Variants in CSMD3 observed in about 807,000 individuals in gnomAD.
CSMD3 encodes CUB and Sushi multiple domains 3.
CSMD3 carries 177 observed loss-of-function variants against 435.2 expected under a neutral mutation model. The observed-to-expected ratio is 0.41, with a 90% CI of 0.36 to 0.46. The LOEUF (loss-of-function observed/expected upper bound fraction) is 0.46. Among genes scored for constraint, CSMD3 ranks in the 20% least tolerant of loss-of-function variants. The pLI is 0.34. For synonymous variants in CSMD3, 1,656 were observed against 1,520.5 expected (o/e 1.09, Z -2.07); for missense variants, 4,265 against 4,504.6 (o/e 0.95, Z 1.52).
intron 4 of CSMD3, among the ~76,000 whole-genome samples, chr8:113,171,265 C>T (rs1388763349): frequency 6.6e-6 from 1 of 151,900 alleles, no homozygotes; most frequent in Non-Finnish European, 1.5e-5. Context: ...CTCTCTTCAT[C>T]CCAGTATAGC....
intron 13 of CSMD3, among the ~76,000 whole-genome samples, chr8:112,692,879 T>C (rs570511126): frequency 8.5e-5 from 13 of 152,178 alleles, no homozygotes; most frequent in African/African-American, 2.9e-4. Context: ...TTGTTATCAA[T>C]CTCTTTCTGT....
At chr8:113,062,127 C>T (rs1263903760) in intron 5 of CSMD3, among the ~76,000 whole-genome samples, 1 of 151,784 alleles carries the variant, frequency 6.6e-6, no homozygotes, top group Non-Finnish European at 1.5e-5. Flanking sequence ...ATCTTGTCCA[C>T]ACCTAATTCA....
chr8:113,123,329 C>T (rs1304354124), intron 4 of CSMD3, among the ~76,000 whole-genome samples: 3 of 151,994 alleles, frequency 2.0e-5, no homozygotes, highest in East Asian at 3.9e-4. Flanking sequence ...GTCATGATTT[C>T]GTCCTTTTGA....
At chr8:113,145,766 G>C (rs1588149751) in intron 4 of CSMD3, among the ~76,000 whole-genome samples, 1 of 151,498 alleles carries the variant, frequency 6.6e-6, no homozygotes, top group Non-Finnish European at 1.5e-5. Flanking sequence ...ACACAGAGGA[G>C]GTACTTAATA....
At chr8:112,609,408 G>A (rs1381750821) in intron 22 of CSMD3, among the ~76,000 whole-genome samples, 3 of 151,864 alleles carry the variant, frequency 2.0e-5, no homozygotes, top group Non-Finnish European at 4.4e-5. Flanking sequence ...CATGTATATG[G>A]AAAGGTACTC....
At chr8:112,320,818 G>T (rs1246794723) in intron 45 of CSMD3, among the ~76,000 whole-genome samples, 2 of 152,078 alleles carry the variant, frequency 1.3e-5, no homozygotes, top group African/African-American at 4.8e-5. Flanking sequence ...ACAGAGCTGA[G>T]ATTTGAACCT....
At chr8:112,401,176 C>T (rs1306320380) in intron 35 of CSMD3, among the ~76,000 whole-genome samples, 1 of 152,026 alleles carries the variant, frequency 6.6e-6, no homozygotes, top group Non-Finnish European at 1.5e-5. Flanking sequence ...GCACTCTAGC[C>T]TGGGTGACAG....
In CSMD3 at chr8:113,285,635, A is replaced by G. The variant is rs144261373; in HGVS notation, c.402-6931T>C. Among the ~76,000 whole-genome samples the G allele has an allele frequency of 1.7e-3, 258 of 152,332 alleles. 1 individual carries two copies. Among genetic ancestry groups the G allele is most frequent in the African/African-American group, 5.9e-3 (247 of 41,580 alleles). ...CCGACTGGGAAAACTAAGTAAGATT[A>G]GTAAACATTTAAATATATGAGACGA... On this transcript the variant is annotated intron_variant, in intron 2 of 70. Coordinates refer to ENST00000297405, the MANE Select transcript of CSMD3 (RefSeq NM_198123.2).
At chr8:113,052,178 A>C (rs1489170861) in intron 5 of CSMD3, among the ~76,000 whole-genome samples, 1 of 152,230 alleles carries the variant, frequency 6.6e-6, no homozygotes, top group Non-Finnish European at 1.5e-5. Flanking sequence ...GCTTTTCCTC[A>C]TCAATAAATG....
chr8:113,193,139 T>C (rs557260593), intron 3 of CSMD3, among the ~76,000 whole-genome samples: 1 of 151,308 alleles, frequency 6.6e-6, no homozygotes, highest in East Asian at 2.0e-4. Context: ...GTGTGGAGCA[T>C]GTGTCAATAT....
chr8:112,465,303 A>T (rs565030035), intron 32 of CSMD3, among the ~76,000 whole-genome samples: 1 of 152,302 alleles, frequency 6.6e-6, no homozygotes, highest in Non-Finnish European at 1.5e-5. Context: ...CAATTATCAG[A>T]TAGTAAATAT....
chr8:113,418,140 T>C (rs1183825591), intron 1 of CSMD3, among the ~76,000 whole-genome samples: 1 of 152,112 alleles, frequency 6.6e-6, no homozygotes, highest in Non-Finnish European at 1.5e-5. Context: ...TATTTCTCTG[T>C]TACATGAGGG....
At chr8:112,421,516 C>A (rs1205658834) in intron 32 of CSMD3, among the ~76,000 whole-genome samples, 1 of 149,670 alleles carries the variant, frequency 6.7e-6, no homozygotes, top group Admixed American at 6.7e-5. Context: ...TGCACTCCAG[C>A]CTCGGTGATA....
chr8:112,364,898 C>T (rs536393839), intron 38 of CSMD3, among the ~76,000 whole-genome samples: 6 of 152,158 alleles, frequency 3.9e-5, no homozygotes, highest in African/African-American at 1.4e-4. Flanking sequence ...TAATGTGGAT[C>T]AGGAAAAAGA....
At chr8:112,524,226 G>A (rs1449384953) in intron 27 of CSMD3, among the ~76,000 whole-genome samples, 2 of 151,274 alleles carry the variant, frequency 1.3e-5, no homozygotes, top group Admixed American at 6.6e-5. Context: ...TTAGGTTGAA[G>A]ACTATCAAAA....
At chr8:113,241,130 C>A (rs1403675601) in intron 3 of CSMD3, among the ~76,000 whole-genome samples, 2 of 152,054 alleles carry the variant, frequency 1.3e-5, no homozygotes, top group African/African-American at 4.8e-5. Context: ...GCTTCTAGGG[C>A]AGATGACTAG....
intron 4 of CSMD3, among the ~76,000 whole-genome samples, chr8:113,110,826 C>T (rs143214176): frequency 6.6e-6 from 1 of 152,268 alleles, no homozygotes; most frequent in African/African-American, 2.4e-5. Context: ...TTAGTCTATT[C>T]AAGCTATTAT....
At chr8:113,028,125 C>T (rs930886455) in intron 5 of CSMD3, among the ~76,000 whole-genome samples, 1 of 152,062 alleles carries the variant, frequency 6.6e-6, no homozygotes, top group African/African-American at 2.4e-5. Flanking sequence ...CTTCATCTCT[C>T]CATGTCACAT....
At chr8:112,591,308 G>C (rs966155832) in intron 22 of CSMD3, among the ~76,000 whole-genome samples, 14 of 152,100 alleles carry the variant, frequency 9.2e-5, no homozygotes, top group Admixed American at 9.2e-4. Context: ...AAGTGGGAAA[G>C]AAATGTGTAC....
Sources: gnomAD v4.1 joint callset for allele counts (sites outside exome capture counted in the v4.1 genomes callset) on GRCh38, gnomAD v4.1.1 for gene constraint, MANE v1.5 for transcripts, NCBI Gene and HGNC (gene_info 2026-07-23, HGNC 2026-07-21) for gene names.